Variants in LYAR observed in about 807,000 individuals in gnomAD.
The protein encoded by LYAR is Ly1 antibody reactive.
In LYAR, 37 loss-of-function variants were observed where a neutral mutation model predicts 45.2. That is an observed-to-expected ratio of 0.82 (90% CI 0.63 to 1.08). The LOEUF is 1.08. LYAR is among the 50% of genes least tolerant of loss of function. The pLI is 0.00. For missense variants in LYAR, 493 were observed against 451.0 expected (o/e 1.09, Z -0.84); for synonymous variants, 176 against 155.1 (o/e 1.14, Z -1.00).
chr4:4,284,414 T>C (rs115633318), intron 2 of LYAR, among the ~76,000 whole-genome samples: 1,809 of 152,290 alleles, frequency 0.012, 43 homozygotes, highest in African/African-American at 0.04. Flanking sequence ...TTCATATCAA[T>C]ATTACTATAT....
chr4:4,274,266 A>G, intron 7 of LYAR, 101 bp downstream of exon 7: 4 of 1,295,110 alleles, frequency 3.1e-6, no homozygotes, highest in East Asian at 2.4e-5. Context: ...AAAACCACAC[A>G]CACACGCACA....
rs1239531504 is a variant in LYAR at position 4,287,686 on chromosome 4, G to A, written c.-107-1114C>T. On this transcript the variant is annotated intron_variant, in intron 1 of 9. Transcript: ENST00000343470. ...GGTGGCCTGAAAGACCAGGCAGCAA[G>A]CCCAGGCTCCCACCCTGCCTCCATC... 2.0e-5 allele frequency among the ~76,000 whole-genome samples: 3 copies of A among 152,256 alleles called. No homozygotes were observed. The East Asian group carries it at 5.8e-4, about 29-fold the overall frequency.
chr4:4,273,633 G>A lies in LYAR; in HGVS notation c.869C>T (p.Pro290Leu), dbSNP rs1290425538. Residue 290 changes from proline (P) to leucine (L), a missense_variant, in exon 8 of 10, where the codon CCA (proline) becomes CTA (leucine). By Grantham distance (98) the Pro-to-Leu change is moderately conservative. Coordinates refer to ENST00000343470, the MANE Select transcript of LYAR (RefSeq NM_017816.3). ...TGGTTCTCCGCCCTCAGGATGCTCT[G>A]GGAGCTTCATCTTTTTCTTCTTAGA... ...TDSKKKKMKL[P>L]EHPEGGEPED... The A allele has an allele frequency of 3.7e-6, 6 of 1,613,208 alleles. No individual in the cohort carries two copies. The South Asian group carries it at 5.5e-5, about 15-fold the overall frequency.
chr4:4,274,646 T>C lies in LYAR; in HGVS notation c.553A>G (p.Lys185Glu). Residue 185 changes from lysine to glutamate, a missense_variant, in exon 7 of 10, where the codon AAG becomes GAG. Lys to Glu is a moderately conservative substitution (Grantham distance 56). Transcript: ENST00000343470. The stretch of plus-strand genomic sequence containing the variant: ...TCCTTTCTTTCTCTTTTATTCTTCT[T>C]CACCTCCCCTTGCTGTTCCACGGCG... ...KDAVEQQGEV[K>E]KNKRERKEER... is the part of the protein sequence containing the mutation. 1 of 1,614,176 alleles carries C rather than the reference T, an allele frequency of 6.2e-7. No individual in the cohort carries two copies. Among genetic ancestry groups the C allele is most frequent in the South Asian group, 1.1e-5 (1 of 91,078 alleles).
rs540763879 is a variant in LYAR, at chr4:4,285,917, T to C, written c.-54+602A>G. 3.3e-5 allele frequency among the ~76,000 whole-genome samples: 5 copies of C among 152,240 alleles called. No homozygotes were observed. The East Asian group carries it at 7.7e-4, about 23-fold the overall frequency. The stretch of plus-strand genomic sequence containing the variant: ...ATGTTGACAAAAAGATACTCAAGAG[T>C]AACTGTGCCAAACATTCTATCTCTC... On this transcript the variant is annotated intron_variant, in intron 2 of 9. Coordinates refer to ENST00000343470, the MANE Select transcript of LYAR (RefSeq NM_017816.3).
chr4:4,280,505 A>C (rs1347759441), intron 4 of LYAR, among the ~76,000 whole-genome samples: 1 of 152,238 alleles, frequency 6.6e-6, no homozygotes, highest in Non-Finnish European at 1.5e-5. Context: ...TGCAGATCTC[A>C]TATTTTCTGA....
intron 9 of LYAR, among the ~76,000 whole-genome samples, chr4:4,268,260 A>C (rs1718792524): frequency 6.6e-6 from 1 of 151,434 alleles, no homozygotes; most frequent in Non-Finnish European, 1.5e-5. Context: ...GCTCTGGGAT[A>C]GGCAAAAGAG....
chr4:4,286,743 T>A (rs1464551923), intron 1 of LYAR, among the ~76,000 whole-genome samples, 171 bp from the exon 2 acceptor site: 3 of 149,926 alleles, frequency 2.0e-5, no homozygotes, highest in Non-Finnish European at 4.4e-5. Flanking sequence ...GCCTCCCGGG[T>A]TCATGCCATT....
Position 4,274,248 on chromosome 4 carries a change from A to G in LYAR, c.832+119T>C, listed in dbSNP as rs545757905. ...CAAGACTCCGTCTCAAAAAAAACAA[A>G]AAAAAAAAAAACCACACACACACGC... is the stretch of plus-strand genomic sequence containing the variant. On this transcript the variant is annotated intron_variant, in intron 7 of 9. Coordinates refer to ENST00000343470, the MANE Select transcript of LYAR (RefSeq NM_017816.3). The G allele has an allele frequency of 1.5e-4, 185 of 1,194,688 alleles. 1 individual carries two copies. In the Admixed American group the frequency reaches 4.3e-3, roughly 28 times the overall value. The allele number at this position is 1,194,688 out of a possible 1,614,324, so 74.0% of individuals were successfully genotyped here. A position where few individuals can be genotyped will look rare whatever the true frequency, so the allele number is the denominator to read the frequency against.
chr4:4,283,537 C>T, intron 3 of LYAR, 84 bp downstream of exon 3: 1 of 1,432,660 alleles, frequency 7.0e-7, no homozygotes, highest in Non-Finnish European at 9.5e-7. Flanking sequence ...AAATTTGCCA[C>T]TATTTTTCCA....
At chr4:4,286,636 T>G (rs1422718423) in intron 1 of LYAR, 64 bp from the exon 2 acceptor site, 2 of 131,658 alleles carry the variant, frequency 1.5e-5, no homozygotes, top group Non-Finnish European at 3.1e-5. Context: ...ATGAAGGAAA[T>G]TTAATTAAAC....
In LYAR at chr4:4,283,626, A is replaced by G. The variant is rs1719489370; in HGVS notation, c.117T>C (p.Asp39=). ...ATGAATTCTGTGAAGCTTACCAGAA[A>G]TCTTTACCGCAGTCAATGCAAGAAA... ...ECLSCIDCGK[D]FWGDDYKNHV... The change falls in exon 3 of 10, where the codon GAT becomes GAC. Residue 39 remains aspartate (D), a synonymous_variant. Coordinates refer to ENST00000343470, the MANE Select transcript of LYAR (RefSeq NM_017816.3). 6.2e-7 allele frequency: 1 copy of G among 1,611,080 alleles called. No homozygotes were observed. Among genetic ancestry groups the G allele is most frequent in the Non-Finnish European group, 8.5e-7 (1 of 1,179,524 alleles).
chr4:4,282,284 A>G (rs1334802958), intron 3 of LYAR, among the ~76,000 whole-genome samples: 1 of 152,246 alleles, frequency 6.6e-6, no homozygotes, highest in Admixed American at 6.5e-5. Flanking sequence ...TTAGTTGTAG[A>G]ATAAATCAAA....
intron 8 of LYAR, among the ~76,000 whole-genome samples, chr4:4,271,568 T>G (rs1718935060): frequency 6.6e-6 from 1 of 152,204 alleles, no homozygotes; most frequent in Admixed American, 6.5e-5. Context: ...AGCTCTATTC[T>G]TAGGTTTCTG....
Position 4,276,468 on chromosome 4 carries a change from G to A in LYAR, c.430-1699C>T, listed in dbSNP as rs542391229. ...TGAGGCAGGAGAATCACTTGAACCCGGAAGGTGGAGGTTGCAGTGAGCCAA... is the reference window on the plus strand; with the variant it reads ...TGAGGCAGGAGAATCACTTGAACCCAGAAGGTGGAGGTTGCAGTGAGCCAA... On this transcript the variant is annotated intron_variant, in intron 6 of 9. Transcript: ENST00000343470. 1.6e-4 allele frequency among the ~76,000 whole-genome samples: 25 copies of A among 151,674 alleles called. No homozygotes were observed. The South Asian group carries it at 1.9e-3, about 11-fold the overall frequency.
intron 1 of LYAR, among the ~76,000 whole-genome samples, chr4:4,287,239 G>A (rs548973723): frequency 1.3e-5 from 2 of 152,298 alleles, no homozygotes; most frequent in East Asian, 3.9e-4. Flanking sequence ...ACATGCGCAT[G>A]TTAAAAGAGA....
intron 8 of LYAR, among the ~76,000 whole-genome samples, chr4:4,270,192 C>A (rs1010195861): frequency 1.3e-5 from 2 of 150,854 alleles, no homozygotes; most frequent in East Asian, 1.9e-4. Context: ...AACAGTGAGA[C>A]CCTGTCTCGA....
chr4:4,269,386 A>C (rs1303756436), intron 8 of LYAR, among the ~76,000 whole-genome samples: 2 of 152,048 alleles, frequency 1.3e-5, no homozygotes, highest in Non-Finnish European at 2.9e-5. Flanking sequence ...CTCCACCCCC[A>C]CCCGCACCAG....
At position 4,273,653 on chromosome 4, in the gene LYAR, C is replaced by A; in HGVS notation, c.849G>T (p.Lys283Asn). 1 of 1,611,274 alleles carries A rather than the reference C, an allele frequency of 6.2e-7. No individual in the cohort carries two copies. The highest frequency in any genetic ancestry group is 2.2e-5 in the East Asian group (1 of 44,856). ...RRHSEVETDS[K>N]KKKMKLPEHP... ...GCTCTGGGAGCTTCATCTTTTTCTT[C>A]TTAGAATCTGTTTCAACTAAGTATT... The change falls in exon 8 of 10, where the codon AAG becomes AAT. Residue 283 changes from lysine (K) to asparagine (N), a missense_variant. Transcript: ENST00000343470.
Sources: allele counts gnomAD v4.1 joint callset (sites outside exome capture counted in the v4.1 genomes callset), GRCh38; gene constraint gnomAD v4.1.1; transcripts MANE v1.5; gene names NCBI Gene and HGNC (gene_info 2026-07-23, HGNC 2026-07-21).